NFX1: variants seen among roughly 807,000 people sequenced by gnomAD.
NFX1 encodes transcriptional repressor NF-X1.
Under a neutral mutation model 137.2 loss-of-function variants are expected in NFX1, and 69 were observed. That is an observed-to-expected ratio of 0.50 (90% CI 0.41 to 0.61). The LOEUF (loss-of-function observed/expected upper bound fraction) is 0.61. Ranked by LOEUF, NFX1 falls within the 20% of genes least tolerant of loss-of-function variation. The pLI is 0.00. For missense variants in NFX1, 1,167 were observed against 1,391.0 expected, an observed-to-expected ratio of 0.84 and a Z score of 2.56; for synonymous variants, 495 against 474.1, an observed-to-expected ratio of 1.04 and a Z score of -0.57.
rs1375372268 is a variant in NFX1 at position 33,338,514 on chromosome 9, T to C, written c.2040T>C (p.Ala680=). The change falls in exon 12 of 24, where the codon GCT becomes GCC. Residue 680 remains alanine (A), a synonymous_variant. Coordinates refer to ENST00000379540, the MANE Select transcript of NFX1 (RefSeq NM_002504.6). ...CTTTTTAATTTGCCACAGCAGATGC[T>C]ACATTTATGTGTGACAAGCGGTGTA... The part of the protein sequence containing the change: ...LPCTSLKSED[A]TFMCDKRCNK... The C allele has an allele frequency of 6.2e-7, 1 of 1,607,838 alleles. No individual in the cohort carries two copies. Among genetic ancestry groups the C allele is most frequent in the Admixed American group, 1.7e-5 (1 of 58,688 alleles).
intron 19 of NFX1, among the ~76,000 whole-genome samples, chr9:33,357,581 G>A (rs1469789770): frequency 3.9e-5 from 6 of 152,030 alleles, no homozygotes; most frequent in Non-Finnish European, 8.8e-5. Context: ...ACCCATGCTG[G>A]AATGTAGTGG....
chr9:33,307,749 G>A (rs1047057806), intron 5 of NFX1, among the ~76,000 whole-genome samples: 1 of 150,840 alleles, frequency 6.6e-6, no homozygotes, highest in African/African-American at 2.4e-5. Flanking sequence ...CGGTCGGACA[G>A]TATTTCCAAG....
chr9:33,296,075 C>G (rs540510906), intron 2 of NFX1, among the ~76,000 whole-genome samples: 1 of 152,078 alleles, frequency 6.6e-6, no homozygotes, highest in Non-Finnish European at 1.5e-5. Context: ...TACAGGCGCC[C>G]GCCACCATGC....
chr9:33,314,461 G>A (rs368309277), intron 7 of NFX1, among the ~76,000 whole-genome samples: 1 of 151,942 alleles, frequency 6.6e-6, no homozygotes, highest in African/African-American at 2.4e-5. Flanking sequence ...TGGATCACTC[G>A]AGGTCAGCAG....
intron 12 of NFX1, 129 bp from the exon 13 acceptor site, chr9:33,342,617 T>G (rs1823269112): frequency 1.5e-6 from 1 of 688,128 alleles, no homozygotes; most frequent in Non-Finnish European, 2.4e-6. Context: ...TGTGGCTATT[T>G]TGAAGGTATT....
intron 6 of NFX1, among the ~76,000 whole-genome samples, 184 bp from the exon 7 acceptor site, chr9:33,313,470 G>A (rs1822039250): frequency 6.6e-6 from 1 of 151,894 alleles, no homozygotes; most frequent in Admixed American, 6.6e-5. Flanking sequence ...AAAAAGAGTG[G>A]AGAAAGGGAG....
intron 3 of NFX1, among the ~76,000 whole-genome samples, chr9:33,302,357 A>ATT (rs33976056): frequency 1.7e-4 from 12 of 71,000 alleles, no homozygotes; most frequent in Middle Eastern, 8.2e-3. Context: ...ATCTAACTGT[A>ATT]TTTTTTTTTT....
At position 33,319,128 on chromosome 9, in the gene NFX1, G is replaced by A; in HGVS notation, c.1906+1G>A. On this transcript the variant is annotated splice_donor_variant, in intron 9 of 23. Coordinates refer to ENST00000379540, the MANE Select transcript of NFX1 (RefSeq NM_002504.6). LOFTEE classifies it high-confidence loss of function. ...AAGCCTCTGCCTTGTGGTTCCTTAG[G>A]TAACTAGTAAGCGTAAAGTTGGCTT... 6.2e-7 allele frequency: 1 copy of A among 1,613,908 alleles called. No individual in the cohort carries two copies. The highest frequency in any genetic ancestry group is 8.5e-7 in the Non-Finnish European group (1 of 1,179,774).
intron 15 of NFX1, among the ~76,000 whole-genome samples, chr9:33,347,367 T>C (rs866482375): frequency 3.3e-5 from 5 of 152,182 alleles, no homozygotes; most frequent in Admixed American, 3.3e-4. Context: ...TATAGAACAG[T>C]TCAGTCACCC....
chr9:33,358,750 C>T (rs1303213477), intron 19 of NFX1, among the ~76,000 whole-genome samples: 2 of 146,626 alleles, frequency 1.4e-5, no homozygotes, highest in African/African-American at 5.0e-5. Flanking sequence ...GCAGCCTCTA[C>T]CTCCTGGGTT....
intron 11 of NFX1, among the ~76,000 whole-genome samples, chr9:33,335,227 C>CTTTTTTTTTTTTTTTTTTTTTTTCT (rs57459026): frequency 7.7e-6 from 1 of 130,516 alleles, no homozygotes; most frequent in Non-Finnish European, 1.6e-5. Flanking sequence ...CTTTCTTTTT[C>CTTTTTTTTTTTTTTTTTTTTTTTCT]TTTTTTTTTT....
intron 16 of NFX1, 146 bp from the exon 17 acceptor site, chr9:33,352,500 G>A (rs1823672318): frequency 4.1e-6 from 3 of 725,894 alleles, no homozygotes; most frequent in Admixed American, 4.0e-5. Flanking sequence ...GTTTGCATGT[G>A]TGGTTAGCTT....
chr9:33,291,642 G>A lies in NFX1; in HGVS notation c.25+1045G>A, dbSNP rs542714944. Among the ~76,000 whole-genome samples, 46 of 152,324 alleles carry A rather than the reference G, an allele frequency of 3.0e-4. 1 individual carries two copies. The South Asian group carries it at 8.5e-3, about 28-fold the overall frequency. ...GTTAGGGCCGGGCGTGGTGGCTCAC[G>A]CCTGTAATCCTAGCACTTTGGGAGG... On this transcript the variant is annotated intron_variant, in intron 1 of 23. Coordinates refer to ENST00000379540, the MANE Select transcript of NFX1 (RefSeq NM_002504.6).
intron 9 of NFX1, among the ~76,000 whole-genome samples, chr9:33,320,589 AG>A (rs1274454160): frequency 6.6e-6 from 1 of 152,228 alleles, no homozygotes; most frequent in Non-Finnish European, 1.5e-5. Context: ...TATAGAAACC[AG>A]AAAAAGCTCA....
chr9:33,314,274 A>G (rs2118341962), intron 7 of NFX1, among the ~76,000 whole-genome samples: 1 of 152,118 alleles, frequency 6.6e-6, no homozygotes, highest in South Asian at 2.1e-4. Flanking sequence ...CGTGAGCCAC[A>G]GTGCCTGGCC....
In NFX1 at chr9:33,290,538, G is replaced by C; in HGVS notation, c.-35G>C. ...CGTGACCTGGTGACAGTGCTGACTT[G>C]GCTGTACAGCTCGATCTAGGTTCTG... is the stretch of plus-strand genomic sequence containing the variant. On this transcript the variant is annotated 5_prime_UTR_variant, in exon 1 of 24. Coordinates refer to ENST00000379540, the MANE Select transcript of NFX1 (RefSeq NM_002504.6). 1 of 1,613,552 alleles carries C rather than the reference G, an allele frequency of 6.2e-7. No homozygotes were observed. Among genetic ancestry groups the C allele is most frequent in the Non-Finnish European group, 8.5e-7 (1 of 1,179,646 alleles).
intron 7 of NFX1, among the ~76,000 whole-genome samples, chr9:33,318,256 C>T (rs992908661): frequency 6.6e-6 from 1 of 152,062 alleles, no homozygotes; most frequent in East Asian, 1.9e-4. Flanking sequence ...AAGTATGAAA[C>T]CTGTGCTTCT....
intron 6 of NFX1, among the ~76,000 whole-genome samples, chr9:33,312,597 G>A (rs998157510): frequency 2.0e-5 from 3 of 152,226 alleles, no homozygotes; most frequent in African/African-American, 4.8e-5. Flanking sequence ...GCGGCTGGGC[G>A]CAGTGGCCCA....
At chr9:33,345,422 A>C (rs1823384389) in intron 14 of NFX1, among the ~76,000 whole-genome samples, 1 of 152,160 alleles carries the variant, frequency 6.6e-6, no homozygotes, top group South Asian at 2.1e-4. Context: ...GGTTGCAGTG[A>C]GCCGAGACTG....
Sources: allele counts gnomAD v4.1 joint callset (sites outside exome capture counted in the v4.1 genomes callset), GRCh38; gene constraint gnomAD v4.1.1; transcripts MANE v1.5; gene names NCBI Gene and HGNC (gene_info 2026-07-23, HGNC 2026-07-21).